CADPS2: variants seen among roughly 807,000 people sequenced by gnomAD.
CADPS2 encodes calcium-dependent secretion activator 2.
A neutral mutation model predicts 172.5 loss-of-function variants in CADPS2; 93 were observed. That is an observed-to-expected ratio of 0.54 (90% CI 0.46 to 0.64). The LOEUF is 0.64. Among genes scored for constraint, CADPS2 ranks in the 30% least tolerant of loss-of-function variants. CADPS2 has a pLI of 0.00. For synonymous variants in CADPS2, 546 were observed against 555.2 expected (o/e 0.98, Z 0.23); for missense variants, 1,420 against 1,565.9 (o/e 0.91, Z 1.57).
intron 1 of CADPS2, among the ~76,000 whole-genome samples, chr7:122,779,235 C>T (rs1199575849): frequency 6.6e-6 from 1 of 152,164 alleles, no homozygotes; most frequent in African/African-American, 2.4e-5. Context: ...CAACCAACCA[C>T]AGAATCTCAG....
chr7:122,576,881 T>C (rs2068118166), intron 7 of CADPS2, among the ~76,000 whole-genome samples: 1 of 151,574 alleles, frequency 6.6e-6, no homozygotes, highest in Admixed American at 6.6e-5. Context: ...TGCCTTAGCC[T>C]CCTGAGTAGC....
chr7:122,325,573 G>A lies in CADPS2; in HGVS notation c.3621C>T (p.Tyr1207=). 1 of 1,606,606 alleles carries A rather than the reference G, an allele frequency of 6.2e-7. No homozygotes were observed. Among genetic ancestry groups the A allele is most frequent in the African/African-American group, 1.3e-5 (1 of 74,868 alleles). Residue 1207 remains tyrosine, a synonymous_variant, in exon 29 of 30, where the codon TAC becomes TAT. Coordinates refer to ENST00000449022, the MANE Select transcript of CADPS2 (RefSeq NM_017954.11). ...MYIEKLFDQW[Y]SSSMKVICVW... The stretch of plus-strand genomic sequence containing the variant: ...CGCAAATGACTTTCATGGAACTGCT[G>A]TACCATTGCTAGAAGGGAGAATTGG...
chr7:122,616,061 T>G (rs927469607), intron 5 of CADPS2, among the ~76,000 whole-genome samples: 15 of 152,122 alleles, frequency 9.9e-5, no homozygotes, highest in African/African-American at 3.6e-4. Flanking sequence ...GCTGCCAATC[T>G]TAAAACACTG....
At chr7:122,544,001 A>G (rs868439354) in intron 8 of CADPS2, among the ~76,000 whole-genome samples, 20 of 152,328 alleles carry the variant, frequency 1.3e-4, no homozygotes, top group Non-Finnish European at 2.5e-4. Flanking sequence ...ACTATCTAGT[A>G]AAACTTGAAA....
intron 12 of CADPS2, among the ~76,000 whole-genome samples, chr7:122,477,964 T>C (rs1381486185): frequency 6.6e-6 from 1 of 152,202 alleles, no homozygotes; most frequent in Non-Finnish European, 1.5e-5. Context: ...TTTAAAGTTA[T>C]CTCATGAACT....
In CADPS2 at chr7:122,681,293, C is replaced by T. The variant is rs188179007; in HGVS notation, c.454-17724G>A. 62 of 945,594 alleles carry T rather than the reference C, an allele frequency of 6.6e-5. No homozygotes were observed. The African/African-American group carries it at 7.4e-4, about 11-fold the overall frequency. 58.6% of individuals were successfully genotyped at this position (945,594 alleles called of 1,614,324 possible). On this transcript the variant is annotated intron_variant, in intron 2 of 29. Transcript: ENST00000449022. ...TAAAGTATAATAATAAAAGAAAGAG[C>T]TCTCCGGTCCGTGCCTCCAAGATGA... is the stretch of plus-strand genomic sequence containing the variant.
intron 1 of CADPS2, among the ~76,000 whole-genome samples, chr7:122,745,713 A>C (rs1430245800): frequency 6.6e-6 from 1 of 151,458 alleles, no homozygotes; most frequent in Non-Finnish European, 1.5e-5. Flanking sequence ...GGGAAAGCAA[A>C]TATCAGTTGG....
chr7:122,581,985 A>G (rs2068890359), intron 6 of CADPS2, among the ~76,000 whole-genome samples: 1 of 152,102 alleles, frequency 6.6e-6, no homozygotes, highest in Non-Finnish European at 1.5e-5. Flanking sequence ...AGACCAGTTC[A>G]TTCTACCTGA....
rs2056372305 is a variant in CADPS2, at chr7:122,474,366, T to TA, written c.1998+14dup. 1 of 1,611,958 alleles carries TA rather than the reference T, an allele frequency of 6.2e-7. No individual in the cohort carries two copies. Among genetic ancestry groups the TA allele is most frequent in the South Asian group, 1.1e-5 (1 of 90,812 alleles). On this transcript the variant is annotated intron_variant, in intron 13 of 29. Transcript: ENST00000449022. ...TTATTCCAACTTATAGGGGACTAGA[T>TA]AGACTTGTACTCACCAAGCAAGAAT...
chr7:122,732,193 T>TA (rs1562882738), intron 2 of CADPS2, among the ~76,000 whole-genome samples: 1 of 151,700 alleles, frequency 6.6e-6, no homozygotes, highest in African/African-American at 2.4e-5. Context: ...TTATTTCCTT[T>TA]AAAAAAATGT....
At chr7:122,583,387 C>T (rs1167537799) in intron 6 of CADPS2, among the ~76,000 whole-genome samples, 1 of 151,900 alleles carries the variant, frequency 6.6e-6, no homozygotes, top group Non-Finnish European at 1.5e-5. Flanking sequence ...TTCCTCTCCT[C>T]TCCACCGTCA....
At chr7:122,652,194 G>A (rs941700025) in intron 3 of CADPS2, among the ~76,000 whole-genome samples, 1 of 151,968 alleles carries the variant, frequency 6.6e-6, no homozygotes, top group Non-Finnish European at 1.5e-5. Flanking sequence ...GGTTTTATCT[G>A]TCTCTAGGTT....
At chr7:122,759,442 CA>C (rs2093299313) in intron 1 of CADPS2, among the ~76,000 whole-genome samples, 1 of 152,034 alleles carries the variant, frequency 6.6e-6, no homozygotes, top group Non-Finnish European at 1.5e-5. Flanking sequence ...TCTAGTTTTT[CA>C]AAAGTACAAA....
rs375192300 is a variant in CADPS2 at position 122,393,542 on chromosome 7, T to A, written c.2787A>T (p.Glu929Asp). The A allele has an allele frequency of 6.2e-6, 10 of 1,613,672 alleles. No homozygotes were observed. The highest frequency in any genetic ancestry group is 1.3e-5 in the African/African-American group (1 of 74,890). The change falls in exon 21 of 30, where the codon GAA (glutamate) becomes GAT (aspartate). Residue 929 changes from glutamate to aspartate, a missense_variant. Transcript: ENST00000449022. ...CNGKFHKHLQ[E>D]IFVPLVVRYV... is the part of the protein sequence containing the mutation. ...AGCGGACAACCAAGGGTACAAAGAT[T>A]TCTTGCAAGTGTTTGTGAAATTTTC...
intron 1 of CADPS2, among the ~76,000 whole-genome samples, chr7:122,762,027 TATACACACACACACAC>T (rs1175640145): frequency 4.3e-5 from 3 of 69,792 alleles, no homozygotes; most frequent in African/African-American, 1.7e-4. Flanking sequence ...TATATATATA[TATACACACACACACAC>T]ACACACACAC....
chr7:122,384,469 G>T (rs1044822577), intron 24 of CADPS2, among the ~76,000 whole-genome samples: 1 of 151,844 alleles, frequency 6.6e-6, no homozygotes, highest in South Asian at 2.1e-4. Context: ...AATGAGGTCC[G>T]CTGGCTCACC....
intron 1 of CADPS2, among the ~76,000 whole-genome samples, chr7:122,853,591 T>A (rs1814311000): frequency 6.6e-6 from 1 of 152,236 alleles, no homozygotes; most frequent in African/African-American, 2.4e-5. Flanking sequence ...ATCCCCCTAT[T>A]GAACCACTTG....
intron 6 of CADPS2, 42 bp from the exon 7 acceptor site, chr7:122,581,332 A>AT (rs747460132): frequency 3.6e-5 from 55 of 1,511,346 alleles, no homozygotes; most frequent in South Asian, 3.4e-5. Flanking sequence ...ATGCAGCATT[A>AT]TTTTTTTCCC....
At chr7:122,706,619 T>A (rs972638349) in intron 2 of CADPS2, among the ~76,000 whole-genome samples, 2 of 145,422 alleles carry the variant, frequency 1.4e-5, no homozygotes, top group African/African-American at 5.0e-5. Context: ...AGATAGGTTG[T>A]GTGTGTGTGT....
Sources: allele counts gnomAD v4.1 joint callset (sites outside exome capture counted in the v4.1 genomes callset), GRCh38; gene constraint gnomAD v4.1.1; transcripts MANE v1.5; gene names NCBI Gene and HGNC (gene_info 2026-07-23, HGNC 2026-07-21).